The following ARB2A variants were observed in gnomAD, a reference collection of about 807,000 sequenced individuals.
The protein encoded by ARB2A is ARB2 cotranscriptional regulator A, also known as cotranscriptional regulator ARB2A.
chr5:93,938,870 A>G, the ARB2A span, among the ~76,000 whole-genome samples: 3 of 152,226 alleles, frequency 2.0e-5, no homozygotes, highest in Non-Finnish European at 4.4e-5. Context: ...CAAACAACAC[A>G]CACAGTTCAA....
At chr5:94,007,774 C>CAAA in the ARB2A span, among the ~76,000 whole-genome samples, 1 of 83,452 alleles carries the variant, frequency 1.2e-5, no homozygotes, top group African/African-American at 4.2e-5. Flanking sequence ...GACTCTGTCT[C>CAAA]AAAAAAAAAA....
At chr5:93,763,778 A>C in the ARB2A span, among the ~76,000 whole-genome samples, 10 of 152,202 alleles carry the variant, frequency 6.6e-5, no homozygotes, top group South Asian at 1.0e-3. Context: ...CCTATTCCAA[A>C]ATTCACCACA....
the ARB2A span, among the ~76,000 whole-genome samples, chr5:93,816,471 C>A: frequency 2.6e-5 from 4 of 152,132 alleles, no homozygotes. Context: ...TTCCCCTTAA[C>A]TTGTTATTGT....
At chr5:93,928,302 T>A in the ARB2A span, among the ~76,000 whole-genome samples, 1 of 152,182 alleles carries the variant, frequency 6.6e-6, no homozygotes, top group African/African-American at 2.4e-5. Flanking sequence ...GTATTTGTTA[T>A]GAGTACCCTG....
chr5:94,054,669 T>C, the ARB2A span, among the ~76,000 whole-genome samples: 1 of 152,176 alleles, frequency 6.6e-6, no homozygotes, highest in African/African-American at 2.4e-5. Flanking sequence ...TGACTATGTC[T>C]GGCCCACCCT....
the ARB2A span, among the ~76,000 whole-genome samples, chr5:93,822,175 A>G: frequency 2.6e-5 from 4 of 152,246 alleles, no homozygotes; most frequent in East Asian, 7.7e-4. Context: ...GATGGAGAAA[A>G]ACTTTAGCTC....
chr5:94,079,609 TTCA>T, the ARB2A span, among the ~76,000 whole-genome samples: 1 of 152,188 alleles, frequency 6.6e-6, no homozygotes, highest in Non-Finnish European at 1.5e-5. Context: ...CTGCAGAAAA[TTCA>T]CACCTACTGT....
the ARB2A span, among the ~76,000 whole-genome samples, chr5:94,013,327 G>A: frequency 8.6e-5 from 13 of 151,918 alleles, no homozygotes; most frequent in South Asian, 4.2e-4. Flanking sequence ...ACACGTGCCC[G>A]CCACCACGCC....
chr5:94,083,109 A>G, the ARB2A span, among the ~76,000 whole-genome samples: 1 of 152,240 alleles, frequency 6.6e-6, no homozygotes, highest in Admixed American at 6.5e-5. Context: ...TGCTAGTTAC[A>G]GGAAATAAAC....
At chr5:94,109,744 G>C in the ARB2A span, among the ~76,000 whole-genome samples, 3 of 151,902 alleles carry the variant, frequency 2.0e-5, no homozygotes, top group South Asian at 6.2e-4. Context: ...CTCCATACTT[G>C]CGGAGCTCAC....
chr5:93,627,173 C>T, the ARB2A span, among the ~76,000 whole-genome samples: 6 of 152,184 alleles, frequency 3.9e-5, no homozygotes, highest in East Asian at 9.6e-4. Context: ...ACTTCTAATT[C>T]TGGTTCTTTT....
the ARB2A span, among the ~76,000 whole-genome samples, chr5:94,031,149 G>C: frequency 3.3e-4 from 51 of 152,294 alleles, no homozygotes; most frequent in Admixed American, 3.0e-3. Flanking sequence ...TGAGTAATGG[G>C]TAGTGGCTGG....
the ARB2A span, among the ~76,000 whole-genome samples, chr5:93,794,430 A>G: frequency 6.6e-6 from 1 of 151,906 alleles, no homozygotes; most frequent in Non-Finnish European, 1.5e-5. Context: ...GGTAATTCAG[A>G]GATTTCATCT....
the ARB2A span, chr5:93,619,390 T>C: frequency 1.3e-5 from 2 of 152,326 alleles, no homozygotes; most frequent in Admixed American, 1.3e-4. Flanking sequence ...AACCAATGAA[T>C]GTACTTGTAT....
chr5:93,906,350 T>C, the ARB2A span, among the ~76,000 whole-genome samples: 3 of 151,448 alleles, frequency 2.0e-5, no homozygotes, highest in Admixed American at 6.6e-5. Context: ...TGAACTAAAT[T>C]TGAATTCAGA....
the ARB2A span, among the ~76,000 whole-genome samples, chr5:94,090,980 A>G: frequency 1.3e-5 from 2 of 152,220 alleles, no homozygotes; most frequent in Non-Finnish European, 2.9e-5. Context: ...GAATGCTTTA[A>G]CAGTCTTTGA....
the ARB2A span, chr5:93,865,990 G>A: frequency 2.0e-6 from 2 of 985,322 alleles, no homozygotes; most frequent in Non-Finnish European, 2.4e-6. Flanking sequence ...GTCCCCTTAA[G>A]AGTTATGCAA....
the ARB2A span, chr5:93,736,449 T>G: frequency 6.6e-6 from 1 of 152,228 alleles, no homozygotes; most frequent in Non-Finnish European, 1.5e-5. Context: ...GAGCTACATC[T>G]GGGCTACTTC....
At chr5:93,696,721 C>T in the ARB2A span, among the ~76,000 whole-genome samples, 27,851 of 151,940 alleles carry the variant, frequency 0.18, 2,918 homozygotes, top group Middle Eastern at 0.27. Flanking sequence ...TACCACAATG[C>T]CTGCCACATT....
Sources: gnomAD v4.1 joint callset for allele counts (sites outside exome capture counted in the v4.1 genomes callset) on GRCh38, gnomAD v4.1.1 for gene constraint, MANE v1.5 for transcripts, NCBI Gene and HGNC (gene_info 2026-07-23, HGNC 2026-07-21) for gene names.